DPF3: variants seen among roughly 807,000 people sequenced by gnomAD.
DPF3 encodes zinc finger protein DPF3.
Under a neutral mutation model 56.8 loss-of-function variants are expected in DPF3, and 18 were observed. That is an observed-to-expected ratio of 0.32 (90% CI 0.22 to 0.47). DPF3 has a LOEUF of 0.47. Ranked by LOEUF, DPF3 falls within the 20% of genes least tolerant of loss-of-function variation. The pLI is 1.00. For synonymous variants in DPF3, 188 were observed against 180.2 expected, an observed-to-expected ratio of 1.04 and a Z score of -0.35; for missense variants, 403 against 488.8, an observed-to-expected ratio of 0.82 and a Z score of 1.65.
chr14:72,706,686 T>C (rs926058400), intron 6 of DPF3, among the ~76,000 whole-genome samples: 2 of 152,086 alleles, frequency 1.3e-5, no homozygotes, highest in East Asian at 1.9e-4. Context: ...CTCCTTGCTT[T>C]CCTATACTCC....
chr14:72,701,929 A>C (rs1888180604), intron 6 of DPF3, among the ~76,000 whole-genome samples: 1 of 152,034 alleles, frequency 6.6e-6, no homozygotes, highest in African/African-American at 2.4e-5. Context: ...CCCAGACCCC[A>C]CCATGCCTGT....
intron 5 of DPF3, among the ~76,000 whole-genome samples, chr14:72,717,988 G>GTATTCCCACAC (rs1331588945): frequency 1.3e-4 from 20 of 152,210 alleles, no homozygotes; most frequent in Non-Finnish European, 2.8e-4. Context: ...CCTGATTCAA[G>GTATTCCCACAC]CTGGGCCAAT....
chr14:72,734,192 C>T (rs908086785), intron 3 of DPF3, among the ~76,000 whole-genome samples: 1 of 152,146 alleles, frequency 6.6e-6, no homozygotes, highest in African/African-American at 2.4e-5. Context: ...ATGCAAAATA[C>T]AAAATCAAAA....
At chr14:72,893,201 C>T (rs1660778284) in intron 1 of DPF3, among the ~76,000 whole-genome samples, 1 of 152,176 alleles carries the variant, frequency 6.6e-6, no homozygotes, top group Admixed American at 6.5e-5. Flanking sequence ...ACGCTGCCCC[C>T]TCGGGCCAGG....
At chr14:72,721,161 C>T (rs1889154616) in intron 5 of DPF3, among the ~76,000 whole-genome samples, 1 of 152,212 alleles carries the variant, frequency 6.6e-6, no homozygotes, top group African/African-American at 2.4e-5. Context: ...GCACCTGGCA[C>T]AAAGGCATCA....
chr14:72,842,386 C>T (rs1192307409), intron 1 of DPF3, among the ~76,000 whole-genome samples: 2 of 152,170 alleles, frequency 1.3e-5, no homozygotes, highest in Non-Finnish European at 2.9e-5. Flanking sequence ...TAACAGAGCA[C>T]TATATAGCGA....
intron 8 of DPF3, among the ~76,000 whole-genome samples, chr14:72,648,048 A>T (rs1885777525): frequency 1.3e-5 from 2 of 152,168 alleles, no homozygotes; most frequent in Non-Finnish European, 2.9e-5. Context: ...TCCAGTTAAT[A>T]CCAACTCTTC....
At chr14:72,858,494 A>G (rs1885258792) in intron 1 of DPF3, among the ~76,000 whole-genome samples, 1 of 152,150 alleles carries the variant, frequency 6.6e-6, no homozygotes, top group Non-Finnish European at 1.5e-5. Context: ...CTTGTGGGCC[A>G]TCGTATTCCA....
At chr14:72,687,698 C>T (rs1198716840) in intron 7 of DPF3, among the ~76,000 whole-genome samples, 1 of 152,182 alleles carries the variant, frequency 6.6e-6, no homozygotes, top group African/African-American at 2.4e-5. Flanking sequence ...CTAAGAAATT[C>T]CTTCTCATTC....
At chr14:72,846,632 A>G (rs969549913) in intron 1 of DPF3, among the ~76,000 whole-genome samples, 2 of 104,884 alleles carry the variant, frequency 1.9e-5, no homozygotes, top group Non-Finnish European at 4.4e-5. Flanking sequence ...CACCACGCCC[A>G]GCCTAGGATA....
intron 4 of DPF3, among the ~76,000 whole-genome samples, chr14:72,729,199 GAT>G (rs1375380521): frequency 1.3e-5 from 2 of 152,134 alleles, no homozygotes; most frequent in Non-Finnish European, 2.9e-5. Flanking sequence ...AGCGAGCCGA[GAT>G]TGCACCACTT....
intron 1 of DPF3, among the ~76,000 whole-genome samples, chr14:72,777,981 A>G (rs1300710605): frequency 6.6e-6 from 1 of 152,164 alleles, no homozygotes; most frequent in African/African-American, 2.4e-5. Flanking sequence ...AGGAGGATGG[A>G]GCCCTCATGA....
chr14:72,703,510 A>C lies in DPF3; in HGVS notation c.605-10297T>G, dbSNP rs561760957. ...CTGATTTCTGGATCCTCAGCAGGGA[A>C]ATGCAGAAACCCCCCAAAACCAAAG... On this transcript the variant is annotated intron_variant, in intron 6 of 10. Coordinates refer to ENST00000556509, the MANE Select transcript of DPF3 (RefSeq NM_001280542.3). 4.0e-3 allele frequency among the ~76,000 whole-genome samples: 312 copies of C among 77,772 alleles called. 1 individual carries two copies. Among genetic ancestry groups the C allele is most frequent in the Non-Finnish European group, 8.9e-3 (216 of 24,226 alleles). The allele number at this position is 77,772 out of a possible 152,430, so 51.0% of individuals were successfully genotyped here. A position where few individuals can be genotyped will look rare whatever the true frequency, so the allele number is the denominator to read the frequency against.
At chr14:72,725,021 G>T (rs1445084570) in intron 4 of DPF3, among the ~76,000 whole-genome samples, 4 of 151,994 alleles carry the variant, frequency 2.6e-5, no homozygotes, top group African/African-American at 4.8e-5. Flanking sequence ...CTGGCCACCT[G>T]GGGGTTTCTT....
intron 1 of DPF3, among the ~76,000 whole-genome samples, chr14:72,774,850 A>G (rs897061580): frequency 6.6e-6 from 1 of 152,254 alleles, no homozygotes; most frequent in African/African-American, 2.4e-5. Flanking sequence ...TGATGTAATC[A>G]AAGCTGGTAA....
intron 1 of DPF3, among the ~76,000 whole-genome samples, chr14:72,798,919 C>T (rs975920628): frequency 2.6e-5 from 4 of 152,206 alleles, no homozygotes; most frequent in African/African-American, 4.8e-5. Context: ...CCTAAAGCTC[C>T]CGAAACCTTT....
At chr14:72,843,379 A>G (rs549131182) in intron 1 of DPF3, among the ~76,000 whole-genome samples, 1 of 152,310 alleles carries the variant, frequency 6.6e-6, no homozygotes, top group South Asian at 2.1e-4. Context: ...AATGAGGGGA[A>G]AAAGGCGTAG....
At chr14:72,780,339 G>C (rs1420705098) in intron 1 of DPF3, among the ~76,000 whole-genome samples, 9 of 152,106 alleles carry the variant, frequency 5.9e-5, no homozygotes, top group African/African-American at 2.2e-4. Context: ...TATTTTTGAT[G>C]GTCTTTGCCA....
chr14:72,766,405 G>A (rs552708949), intron 2 of DPF3, among the ~76,000 whole-genome samples: 1 of 152,256 alleles, frequency 6.6e-6, no homozygotes, highest in Non-Finnish European at 1.5e-5. Flanking sequence ...AGCTCCCTGG[G>A]TATTATTTTA....
Sources: gnomAD v4.1 joint callset for allele counts (sites outside exome capture counted in the v4.1 genomes callset) on GRCh38, gnomAD v4.1.1 for gene constraint, MANE v1.5 for transcripts, NCBI Gene and HGNC (gene_info 2026-07-23, HGNC 2026-07-21) for gene names.